IBTK: variants seen among roughly 807,000 people sequenced by gnomAD.
The protein encoded by IBTK is inhibitor of Bruton tyrosine kinase.
IBTK carries 83 observed loss-of-function variants against 154.9 expected under a neutral mutation model. The ratio of observed to expected loss-of-function variants is 0.54; its 90% CI spans 0.45 to 0.64. The LOEUF (loss-of-function observed/expected upper bound fraction) is 0.64. Ranked by LOEUF, IBTK falls within the 30% of genes least tolerant of loss-of-function variation. The probability of loss-of-function intolerance (pLI) is 0.00; values close to 1 mark genes in which losing one functional copy is unlikely to be tolerated. For missense variants in IBTK, 1,332 were observed against 1,584.6 expected (o/e 0.84, Z 2.71); for synonymous variants, 515 against 536.1 (o/e 0.96, Z 0.54).
At chr6:82,191,755 T>C (rs770868230) in intron 24 of IBTK, 32 bp downstream of exon 24, 4 of 1,265,488 alleles carry the variant, frequency 3.2e-6, no homozygotes, top group Admixed American at 1.7e-5. Context: ...AAATACAACA[T>C]GAAATGATCT....
At chr6:82,232,852 T>TA (rs374084176) in intron 3 of IBTK, among the ~76,000 whole-genome samples, 14 of 151,990 alleles carry the variant, frequency 9.2e-5, no homozygotes, top group African/African-American at 2.4e-4. Context: ...CTCACCTCTA[T>TA]AAAAAAAGTA....
intron 3 of IBTK, among the ~76,000 whole-genome samples, chr6:82,232,135 T>C (rs1770533688): frequency 1.3e-5 from 2 of 151,820 alleles, no homozygotes; most frequent in Non-Finnish European, 2.9e-5. Flanking sequence ...GCTCAAGTGA[T>C]CCTCCCACCT....
Position 82,214,701 on chromosome 6 carries a change from G to A in IBTK, c.1730C>T (p.Ala577Val). The A allele has an allele frequency of 6.2e-7, 1 of 1,614,040 alleles. No homozygotes were observed. Among genetic ancestry groups the A allele is most frequent in the Non-Finnish European group, 8.5e-7 (1 of 1,179,988 alleles). The part of the protein sequence containing the change: ...TFQVGNRLFP[A>V]HKYILAVHSD... ...ATGCACTGCCAAAATATATTTATGT[G>A]CAGGGAAGAGTCTATTGCCAACTTG... The change falls in exon 12 of 29, where the codon GCA (alanine) becomes GTA (valine). Residue 577 changes from alanine to valine, a missense_variant. Coordinates refer to ENST00000306270, the MANE Select transcript of IBTK (RefSeq NM_015525.4).
chr6:82,230,007 T>C (rs149259268), intron 4 of IBTK, among the ~76,000 whole-genome samples: 1 of 152,336 alleles, frequency 6.6e-6, no homozygotes, highest in East Asian at 1.9e-4. Flanking sequence ...ATAGTGGTCA[T>C]ATTATTTATC....
chr6:82,179,972 T>C (rs1034349603), intron 26 of IBTK, among the ~76,000 whole-genome samples: 4 of 43,590 alleles, frequency 9.2e-5, no homozygotes, highest in Non-Finnish European at 1.5e-4. Flanking sequence ...ATAACTCTTC[T>C]ATGACAAAAC....
intron 2 of IBTK, among the ~76,000 whole-genome samples, chr6:82,239,958 G>A (rs1182115225): frequency 1.3e-5 from 2 of 152,120 alleles, no homozygotes. Flanking sequence ...TAGTAAGCAT[G>A]ATAAATGTTT....
chr6:82,243,048 T>C (rs978947614), intron 1 of IBTK, among the ~76,000 whole-genome samples: 1 of 151,770 alleles, frequency 6.6e-6, no homozygotes, highest in Non-Finnish European at 1.5e-5. Context: ...AAGACCATCC[T>C]GGCTAACACG....
In IBTK at chr6:82,214,857, C is replaced by T. The variant is rs754468674; in HGVS notation, c.1602-28G>A. The T allele has an allele frequency of 2.0e-6, 3 of 1,517,926 alleles. No individual in the cohort carries two copies. The South Asian group carries it at 4.0e-5, about 20-fold the overall frequency. The allele number at this position is 1,517,926 out of a possible 1,614,324, so 94.0% of individuals were successfully genotyped here. On this transcript the variant is annotated intron_variant, in intron 11 of 28. Coordinates refer to ENST00000306270, the MANE Select transcript of IBTK (RefSeq NM_015525.4). Reference sequence around the variant, plus strand: ...AGAAAGAAGACAAAAACAAATTATGCTTCAAAAAATATGAAGGAAATCCTT... The same window carrying T: ...AGAAAGAAGACAAAAACAAATTATGTTTCAAAAAATATGAAGGAAATCCTT...
rs753097359 is a variant in IBTK at position 82,200,759 on chromosome 6, T to G, written c.2791-51A>C. On this transcript the variant is annotated intron_variant, in intron 19 of 28. Coordinates refer to ENST00000306270, the MANE Select transcript of IBTK (RefSeq NM_015525.4). Reference sequence around the variant, plus strand: ...CAAATACAAAATCTGTGAAGTTTTTTTTTTTTTTTTTTTTTTTTTTTTGTG... The same window carrying G: ...CAAATACAAAATCTGTGAAGTTTTTGTTTTTTTTTTTTTTTTTTTTTTGTG... The G allele has an allele frequency of 4.4e-3, 5,517 of 1,260,762 alleles. 24 individuals are homozygous for G. Among genetic ancestry groups the G allele is most frequent in the Middle Eastern group, 9.0e-3 (33 of 3,650 alleles). 78.1% of individuals were successfully genotyped at this position (1,260,762 alleles called of 1,614,324 possible).
intron 26 of IBTK, among the ~76,000 whole-genome samples, chr6:82,176,555 CA>C (rs1357151089): frequency 1.4e-5 from 2 of 147,294 alleles, no homozygotes; most frequent in African/African-American, 5.0e-5. Flanking sequence ...CACAAGCTTA[CA>C]TTTTCTTTCC....
At chr6:82,247,421 C>T (rs606270) in intron 1 of IBTK, 141 bp downstream of exon 1, 201,073 of 394,622 alleles carry the variant, frequency 0.51, 52,003 homozygotes, top group East Asian at 0.66. Flanking sequence ...AGCCTCGGGG[C>T]CACAGAGTCC....
chr6:82,247,386 C>T (rs1771193893), intron 1 of IBTK, among the ~76,000 whole-genome samples, 176 bp downstream of exon 1: 1 of 152,236 alleles, frequency 6.6e-6, no homozygotes, highest in South Asian at 2.1e-4. Flanking sequence ...CGGCCCTCTC[C>T]GCGCCGCCTC....
intron 9 of IBTK, among the ~76,000 whole-genome samples, chr6:82,220,079 A>C (rs1770040263): frequency 6.6e-6 from 1 of 152,052 alleles, no homozygotes; most frequent in African/African-American, 2.4e-5. Flanking sequence ...GCGTAGTGGC[A>C]CATGCTTGTA....
intron 2 of IBTK, 86 bp from the exon 3 acceptor site, chr6:82,234,341 T>TA (rs962603054): frequency 2.9e-5 from 11 of 380,354 alleles, no homozygotes; most frequent in African/African-American, 1.2e-4. Flanking sequence ...TTATTATTAT[T>TA]TTTTTTTTTT....
At chr6:82,173,697 T>C (rs1768016598) in intron 26 of IBTK, 2 of 149,914 alleles carry the variant, frequency 1.3e-5, no homozygotes, top group African/African-American at 3.7e-5. Context: ...ACACACCAGA[T>C]AAACCAATAA....
intron 1 of IBTK, among the ~76,000 whole-genome samples, chr6:82,245,010 C>G (rs1322352191): frequency 6.6e-6 from 1 of 152,140 alleles, no homozygotes; most frequent in African/African-American, 2.4e-5. Flanking sequence ...ATGGATAATA[C>G]TCAGGTGGAT....
intron 3 of IBTK, among the ~76,000 whole-genome samples, chr6:82,233,795 C>T (rs955895489): frequency 6.1e-5 from 9 of 147,570 alleles, no homozygotes; most frequent in Admixed American, 3.5e-4. Flanking sequence ...CTCACTGCAA[C>T]CTCCACCTCC....
intron 25 of IBTK, 122 bp from the exon 26 acceptor site, chr6:82,182,150 A>G: frequency 2.2e-6 from 2 of 889,628 alleles, no homozygotes; most frequent in South Asian, 1.7e-5. Flanking sequence ...GCAGTTTTCA[A>G]TGTGATGTTG....
Position 82,223,169 on chromosome 6 carries a change from CA to C in IBTK, c.1124+270del, listed in dbSNP as rs536860522. Among the ~76,000 whole-genome samples the C allele has an allele frequency of 5.5e-3, 833 of 151,218 alleles. 5 individuals carry two copies. Among genetic ancestry groups the C allele is most frequent in the Non-Finnish European group, 0.01 (684 of 67,798 alleles). ...AATCTATTTCTGTGCACCTAAAATA[CA>C]AAAAAAGAAAAAAATATATAGCTCA... On this transcript the variant is annotated intron_variant, in intron 8 of 28. Coordinates refer to ENST00000306270, the MANE Select transcript of IBTK (RefSeq NM_015525.4).
Sources: allele counts gnomAD v4.1 joint callset (sites outside exome capture counted in the v4.1 genomes callset), GRCh38; gene constraint gnomAD v4.1.1; transcripts MANE v1.5; gene names NCBI Gene and HGNC (gene_info 2026-07-23, HGNC 2026-07-21).